ATRNL1: variants seen among roughly 807,000 people sequenced by gnomAD.
The protein encoded by ATRNL1 is attractin like 1.
In ATRNL1, 95 loss-of-function variants were observed where a neutral mutation model predicts 182.7. That is an observed-to-expected ratio of 0.52 (90% CI 0.44 to 0.62). ATRNL1 has a LOEUF of 0.62. ATRNL1 is among the 20% of genes least tolerant of loss of function. The pLI is 0.00. For missense variants in ATRNL1, 1,471 were observed against 1,679.5 expected (o/e 0.88, Z 2.17); for synonymous variants, 576 against 568.3 (o/e 1.01, Z -0.19).
chr10:115,930,417 C>A (rs1555121334), intron 28 of ATRNL1, among the ~76,000 whole-genome samples: 1 of 152,110 alleles, frequency 6.6e-6, no homozygotes, highest in Non-Finnish European at 1.5e-5. Context: ...ACACAAGCTT[C>A]AGAACTAGTC....
intron 9 of ATRNL1, among the ~76,000 whole-genome samples, chr10:115,238,956 A>G (rs1167959494): frequency 3.3e-5 from 5 of 152,244 alleles, no homozygotes; most frequent in African/African-American, 4.8e-5. Context: ...GATTTTGTCA[A>G]TGCTTTTTCT....
rs184453451 is a variant in ATRNL1, at chr10:115,691,416, C to A, written c.3796-35832C>A. 9.2e-5 allele frequency among the ~76,000 whole-genome samples: 14 copies of A among 152,180 alleles called. No homozygotes were observed. In the East Asian group the frequency reaches 2.1e-3, roughly 23 times the overall value. ...ATATACATTTTGGCCATTTGTATAC[C>A]TTCTTTGAAAAAATATCTATTCAGG... On this transcript the variant is annotated intron_variant, in intron 26 of 28. Coordinates refer to ENST00000355044, the MANE Select transcript of ATRNL1 (RefSeq NM_207303.4).
intron 28 of ATRNL1, among the ~76,000 whole-genome samples, chr10:115,917,743 C>T (rs1271536211): frequency 6.6e-6 from 1 of 152,108 alleles, no homozygotes; most frequent in Non-Finnish European, 1.5e-5. Flanking sequence ...ACATTTTGTT[C>T]ATAATAATGC....
At chr10:115,527,740 C>T (rs1851297286) in intron 25 of ATRNL1, among the ~76,000 whole-genome samples, 1 of 151,976 alleles carries the variant, frequency 6.6e-6, no homozygotes. Flanking sequence ...AGAATTGTGC[C>T]TACCCTTTTA....
At chr10:115,430,540 G>A (rs1437050936) in intron 21 of ATRNL1, among the ~76,000 whole-genome samples, 1 of 152,038 alleles carries the variant, frequency 6.6e-6, no homozygotes, top group Non-Finnish European at 1.5e-5. Flanking sequence ...GGCTGCATGT[G>A]CTGCCTGTTA....
chr10:115,768,872 A>G (rs574953711), intron 27 of ATRNL1, among the ~76,000 whole-genome samples: 95 of 152,192 alleles, frequency 6.2e-4, no homozygotes, highest in African/African-American at 2.2e-3. Flanking sequence ...TCCACAAAAG[A>G]CACTTCCTAT....
At chr10:115,822,093 T>C (rs373739015) in intron 27 of ATRNL1, among the ~76,000 whole-genome samples, 1 of 152,252 alleles carries the variant, frequency 6.6e-6, no homozygotes, top group South Asian at 2.1e-4. Context: ...TAGACCACAG[T>C]GCAATCAAAT....
chr10:115,097,703 A>G (rs957261423), intron 1 of ATRNL1, among the ~76,000 whole-genome samples: 1 of 152,110 alleles, frequency 6.6e-6, no homozygotes, highest in East Asian at 1.9e-4. Flanking sequence ...AGGCGGGCGG[A>G]TCATGAGGTC....
intron 22 of ATRNL1, among the ~76,000 whole-genome samples, chr10:115,465,009 G>T (rs1847986338): frequency 6.6e-6 from 1 of 151,594 alleles, no homozygotes; most frequent in Non-Finnish European, 1.5e-5. Flanking sequence ...TTTTTTTCCA[G>T]AAATTATTTC....
At chr10:115,905,420 G>T (rs1332978491) in intron 28 of ATRNL1, among the ~76,000 whole-genome samples, 1 of 150,680 alleles carries the variant, frequency 6.6e-6, no homozygotes. Flanking sequence ...TGTAGAGGCA[G>T]GGTCTTCCTA....
intron 15 of ATRNL1, among the ~76,000 whole-genome samples, chr10:115,298,789 A>G (rs1272806828): frequency 6.6e-6 from 1 of 152,126 alleles, no homozygotes; most frequent in East Asian, 1.9e-4. Flanking sequence ...TTGTTTAGCA[A>G]AATTTACTGA....
At chr10:115,361,504 A>G (rs1856745704) in intron 19 of ATRNL1, among the ~76,000 whole-genome samples, 4 of 152,072 alleles carry the variant, frequency 2.6e-5, no homozygotes, top group South Asian at 2.1e-4. Flanking sequence ...ATGTATGTGT[A>G]CAGAAATGCT....
At chr10:115,235,406 G>A (rs1291659031) in intron 9 of ATRNL1, among the ~76,000 whole-genome samples, 1 of 151,872 alleles carries the variant, frequency 6.6e-6, no homozygotes, top group African/African-American at 2.4e-5. Flanking sequence ...TCCATCTTCT[G>A]GCAACCACTA....
chr10:115,508,622 A>G (rs953415449), intron 24 of ATRNL1, among the ~76,000 whole-genome samples: 2 of 152,060 alleles, frequency 1.3e-5, no homozygotes, highest in African/African-American at 2.4e-5. Flanking sequence ...TTGTCCGAAT[A>G]TAAGATCAAA....
At chr10:115,257,058 G>T (rs562352925) in intron 10 of ATRNL1, among the ~76,000 whole-genome samples, 1 of 152,190 alleles carries the variant, frequency 6.6e-6, no homozygotes, top group East Asian at 1.9e-4. Flanking sequence ...TAATTATGTG[G>T]TCAACTTTAG....
At chr10:115,304,927 T>C (rs1367917530) in intron 17 of ATRNL1, among the ~76,000 whole-genome samples, 10 of 152,162 alleles carry the variant, frequency 6.6e-5, no homozygotes, top group Admixed American at 6.5e-4. Flanking sequence ...CAAGAAACAC[T>C]TTTGGAGGTG....
chr10:115,854,332 C>G (rs1951128178), intron 28 of ATRNL1, among the ~76,000 whole-genome samples: 1 of 152,104 alleles, frequency 6.6e-6, no homozygotes, highest in African/African-American at 2.4e-5. Context: ...CTTCTGGAAA[C>G]CTTCCCCTCC....
At chr10:115,902,168 C>T (rs1312344288) in intron 28 of ATRNL1, among the ~76,000 whole-genome samples, 1 of 152,066 alleles carries the variant, frequency 6.6e-6, no homozygotes, top group Non-Finnish European at 1.5e-5. Flanking sequence ...CATTAAATTG[C>T]GGTTGCAGTT....
intron 28 of ATRNL1, among the ~76,000 whole-genome samples, chr10:115,888,921 G>C (rs1952015355): frequency 6.6e-6 from 1 of 152,156 alleles, no homozygotes; most frequent in African/African-American, 2.4e-5. Flanking sequence ...GCTGGAACTA[G>C]TAATCTGACT....
Sources: allele counts gnomAD v4.1 joint callset (sites outside exome capture counted in the v4.1 genomes callset), GRCh38; gene constraint gnomAD v4.1.1; transcripts MANE v1.5; gene names NCBI Gene and HGNC (gene_info 2026-07-23, HGNC 2026-07-21).